The following CMTM4 variants were observed in gnomAD, a reference collection of about 807,000 sequenced individuals.
CMTM4 encodes the protein CKLF like MARVEL transmembrane domain containing 4.
Under a neutral mutation model 19.0 loss-of-function variants are expected in CMTM4, and 8 were observed. The observed-to-expected ratio is 0.42, with a 90% CI of 0.25 to 0.76. The LOEUF (loss-of-function observed/expected upper bound fraction) is 0.76, where lower values mean the gene tolerates loss of function less well. Among genes scored for constraint, CMTM4 ranks in the 30% least tolerant of loss-of-function variants. The pLI, the probability that CMTM4 is intolerant of heterozygous loss-of-function variation, is 0.27. For missense variants in CMTM4, 228 were observed against 290.2 expected, an observed-to-expected ratio of 0.79 and a Z score of 1.56; for synonymous variants, 106 against 121.1, an observed-to-expected ratio of 0.88 and a Z score of 0.82.
intron 1 of CMTM4, among the ~76,000 whole-genome samples, chr16:66,646,140 A>G (rs355975): frequency 0.094 from 14,300 of 152,206 alleles, 938 homozygotes; most frequent in East Asian, 0.27. Flanking sequence ...TACAGCACAC[A>G]AGGCATAAAG....
chr16:66,622,124 G>A lies in CMTM4; in HGVS notation c.561C>T (p.Tyr187=), dbSNP rs2015648874. The A allele has an allele frequency of 1.9e-6, 3 of 1,610,828 alleles. No individual in the cohort carries two copies. The highest frequency in any genetic ancestry group is 2.2e-5 in the East Asian group (1 of 44,826). ...CCCTGGACTCCGTGCGGGCTCGGAT[G>A]TAGTCATTGGTGCTCTGCTGGCGGA... ...VSVRQQSTND[Y]IRARTESRDV... is the part of the protein sequence containing the mutation. Residue 187 remains tyrosine, a synonymous_variant, in exon 4 of 4, where the codon TAC becomes TAT. Transcript: ENST00000394106. The surrounding 1 kb of genome is among the most constrained non-coding windows in gnomAD (Gnocchi z 4.0).
At chr16:66,671,455 G>A (rs1201808972) in intron 1 of CMTM4, among the ~76,000 whole-genome samples, 6 of 152,220 alleles carry the variant, frequency 3.9e-5, no homozygotes, top group Non-Finnish European at 7.3e-5. Flanking sequence ...ACTCAGCAAA[G>A]ACTTGTGATG....
At chr16:66,656,367 ATTG>A (rs1411640566) in intron 1 of CMTM4, among the ~76,000 whole-genome samples, 1 of 151,922 alleles carries the variant, frequency 6.6e-6, no homozygotes, top group Non-Finnish European at 1.5e-5. Context: ...TGTTGTTGTT[ATTG>A]TTGTTTCTTT....
intron 1 of CMTM4, among the ~76,000 whole-genome samples, chr16:66,689,989 T>C (rs2144924803): frequency 6.6e-6 from 1 of 152,338 alleles, no homozygotes; most frequent in African/African-American, 2.4e-5. Context: ...TCGTGGATTA[T>C]AATTTCACTA....
chr16:66,643,718 T>C lies in CMTM4; in HGVS notation c.187-7137A>G, dbSNP rs151073786. On this transcript the variant is annotated intron_variant, in intron 1 of 3. Coordinates refer to ENST00000394106, the MANE Select transcript of CMTM4 (RefSeq NM_181521.3). ...CCAGGGTGTGTAGGGCACAAAACTG[T>C]GGCAGTACTATAAACAGCAAGTACT... 1.9e-3 allele frequency among the ~76,000 whole-genome samples: 294 copies of C among 152,316 alleles called. 1 individual carries two copies. Among genetic ancestry groups the C allele is most frequent in the African/African-American group, 6.6e-3 (274 of 41,574 alleles).
chr16:66,613,967 G>A (rs552322094), downstream of CMTM4: 11 of 151,764 alleles, frequency 7.2e-5, no homozygotes, highest in African/African-American at 2.7e-4. Context: ...ACTGGGGGTT[G>A]GCGGGTGGGT....
At chr16:66,609,648 C>G in the CMTM4 span, 1 of 1,519,434 alleles carries the variant, frequency 6.6e-7, no homozygotes, top group African/African-American at 1.4e-5. This position sits in a 1 kb window ranked among gnomAD's most constrained non-coding sequence, Gnocchi z 4.4. Flanking sequence ...CATGTGGGTC[C>G]CGATGATGAT....
At chr16:66,603,248 T>C in the CMTM4 span, among the ~76,000 whole-genome samples, 1 of 152,186 alleles carries the variant, frequency 6.6e-6, no homozygotes, top group Non-Finnish European at 1.5e-5. Flanking sequence ...AACAGTGTGC[T>C]TCTTTGTGTC....
chr16:66,623,464 A>G lies in CMTM4; in HGVS notation c.402T>C (p.Phe134=). 1 of 1,614,014 alleles carries G rather than the reference A, an allele frequency of 6.2e-7. No individual in the cohort carries two copies. Residue 134 remains phenylalanine (F), a synonymous_variant, in exon 3 of 4, where the codon TTT becomes TTC. Transcript: ENST00000394106. Reference sequence around the variant, plus strand: ...AAGCAGCCAGTACGATTGAAGCAATAAAGAAAAGGAAAGCGCTGAGTCCAG... The same window carrying G: ...AAGCAGCCAGTACGATTGAAGCAATGAAGAAAAGGAAAGCGCTGAGTCCAG... ...VNTGLSAFLF[F]IASIVLAALN...
rs1222199726 is a variant in CMTM4 at position 66,618,850 on chromosome 16, AGG to A, written c.*3206_*3207del. ...GCCCACAGGCGTGAGCCTTCCTGCC[AGG>A]GGACAGTAACAGGGCCCGAAGGGCT... On this transcript the variant is annotated 3_prime_UTR_variant, in exon 4 of 4. Coordinates refer to ENST00000394106, the MANE Select transcript of CMTM4 (RefSeq NM_181521.3). 35 of 985,398 alleles carry A rather than the reference AGG, an allele frequency of 3.6e-5. No individual in the cohort carries two copies. Among genetic ancestry groups the A allele is most frequent in the Admixed American group, 6.1e-5 (1 of 16,268 alleles). The allele number at this position is 985,398 out of a possible 1,614,324, so 61.0% of individuals were successfully genotyped here. A position where few individuals can be genotyped will look rare whatever the true frequency, so the allele number is the denominator to read the frequency against.
intron 1 of CMTM4, among the ~76,000 whole-genome samples, chr16:66,679,724 T>A (rs1474583131): frequency 6.7e-6 from 1 of 150,344 alleles, no homozygotes; most frequent in African/African-American, 2.5e-5. Context: ...CTCGGGAGAC[T>A]GAGGCAAGAG....
intron 1 of CMTM4, among the ~76,000 whole-genome samples, chr16:66,684,819 T>C (rs2017003696): frequency 6.6e-6 from 1 of 152,196 alleles, no homozygotes; most frequent in African/African-American, 2.4e-5. Flanking sequence ...CCTGGACCAC[T>C]TCAAACTGAG....
rs953128681 is a variant in CMTM4 at position 66,696,292 on chromosome 16, G to T, written c.186+48C>A. 8.0e-7 allele frequency: 1 copy of T among 1,248,054 alleles called. No individual in the cohort carries two copies. The highest frequency in any genetic ancestry group is 1.6e-5 in the African/African-American group (1 of 63,138). 77.3% of individuals were successfully genotyped at this position (1,248,054 alleles called of 1,614,324 possible). A position where few individuals can be genotyped will look rare whatever the true frequency, so the allele number is the denominator to read the frequency against. Reference sequence around the variant, plus strand: ...CCCGCAGCGGGGCGGGGAGGGAGGCGTGCGGCTAGGCCGCCCTCGGGCACC... The same window carrying T: ...CCCGCAGCGGGGCGGGGAGGGAGGCTTGCGGCTAGGCCGCCCTCGGGCACC... On this transcript the variant is annotated intron_variant, in intron 1 of 3. Transcript: ENST00000394106. The surrounding 1 kb of genome is among the most constrained non-coding windows in gnomAD (Gnocchi z 4.3).
At chr16:66,645,936 G>T (rs1004160125) in intron 1 of CMTM4, among the ~76,000 whole-genome samples, 2 of 152,088 alleles carry the variant, frequency 1.3e-5, no homozygotes, top group African/African-American at 4.8e-5. Flanking sequence ...CTGAGATTGC[G>T]CCACTGTACT....
intron 1 of CMTM4, among the ~76,000 whole-genome samples, chr16:66,637,267 G>A (rs2016011373): frequency 6.6e-6 from 1 of 152,188 alleles, no homozygotes; most frequent in Non-Finnish European, 1.5e-5. Flanking sequence ...TTTCTAGGCT[G>A]GGCACGGGGG....
intron 1 of CMTM4, among the ~76,000 whole-genome samples, chr16:66,686,793 A>T (rs968000036): frequency 1.3e-5 from 2 of 152,114 alleles, no homozygotes; most frequent in Non-Finnish European, 2.9e-5. Context: ...CCTTTGATGT[A>T]GTAAAAGCAC....
intron 1 of CMTM4, among the ~76,000 whole-genome samples, chr16:66,682,210 C>G (rs1406058918): frequency 2.0e-5 from 3 of 152,174 alleles, no homozygotes; most frequent in Non-Finnish European, 4.4e-5. Context: ...TGAATGATAG[C>G]ATTTTTACTG....
chr16:66,687,217 T>C (rs528560516), intron 1 of CMTM4, among the ~76,000 whole-genome samples: 6 of 151,934 alleles, frequency 3.9e-5, no homozygotes, highest in Non-Finnish European at 8.8e-5. Flanking sequence ...GTCTGTATTA[T>C]CTAAATCATT....
chr16:66,638,492 AG>A (rs2016039202), intron 1 of CMTM4, among the ~76,000 whole-genome samples: 1 of 152,242 alleles, frequency 6.6e-6, no homozygotes, highest in African/African-American at 2.4e-5. Context: ...TTAGACAGGA[AG>A]AATAAGTTCA....
Sources: gnomAD v4.1 joint callset for allele counts (sites outside exome capture counted in the v4.1 genomes callset) on GRCh38, gnomAD v4.1.1 for gene constraint, Gnocchi (gnomAD v3.1) non-coding constraint, MANE v1.5 for transcripts, NCBI Gene and HGNC (gene_info 2026-07-23, HGNC 2026-07-21) for gene names.